ATP7A: variants seen among roughly 807,000 people sequenced by gnomAD.
ATP7A encodes copper-transporting ATPase 1.
A neutral mutation model predicts 83.5 loss-of-function variants in ATP7A; 7 were observed. That is an observed-to-expected ratio of 0.08 (90% CI 0.05 to 0.16). The LOEUF is 0.16. Ranked by LOEUF, ATP7A falls within the 10% of genes least tolerant of loss-of-function variation. The probability of loss-of-function intolerance (pLI) is 1.00; values close to 1 mark genes in which losing one functional copy is unlikely to be tolerated. For synonymous variants in ATP7A, 354 were observed against 395.2 expected, an observed-to-expected ratio of 0.90 and a Z score of 1.24; for missense variants, 940 against 1,120.8, an observed-to-expected ratio of 0.84 and a Z score of 2.30.
intron 1 of ATP7A, among the ~76,000 whole-genome samples, chrX:77,960,643 C>T (rs1557227958): frequency 9.0e-6 from 1 of 111,544 alleles, no homozygotes; most frequent in African/African-American, 3.3e-5. Context: ...ATCATCTAGT[C>T]ATAATATTGT....
chrX:77,947,219 A>T (rs782397457), intron 1 of ATP7A, among the ~76,000 whole-genome samples: 1 of 111,369 alleles, frequency 9.0e-6, no homozygotes, highest in African/African-American at 3.3e-5. Flanking sequence ...AGTTAAAATC[A>T]TAGAGATATA....
At chrX:78,032,886 T>C (rs983070895) in intron 16 of ATP7A, among the ~76,000 whole-genome samples, 64 of 111,611 alleles carry the variant, frequency 5.7e-4, no homozygotes, top group Non-Finnish European at 1.1e-3. Flanking sequence ...CCAGAACTTT[T>C]CGGCTTGCTA....
chrX:77,995,064 C>G (rs1310433127), intron 4 of ATP7A, among the ~76,000 whole-genome samples: 1 of 111,356 alleles, frequency 9.0e-6, no homozygotes, highest in Admixed American at 9.6e-5. Flanking sequence ...CCCATATTAT[C>G]GGGACATGAA....
intron 4 of ATP7A, among the ~76,000 whole-genome samples, chrX:77,994,643 G>C (rs781880867): frequency 1.2e-4 from 13 of 110,278 alleles, no homozygotes; most frequent in African/African-American, 4.0e-4. Flanking sequence ...GGGCTTAAGC[G>C]ATCTTCCCAC....
At chrX:77,990,709 T>C (rs1456919767) in intron 4 of ATP7A, among the ~76,000 whole-genome samples, 1 of 112,399 alleles carries the variant, frequency 8.9e-6, no homozygotes, top group Non-Finnish European at 1.9e-5. Context: ...AATTTAATTA[T>C]GTGAAATTGT....
At chrX:77,911,950 GAAGA>G (rs2077163075) in intron 1 of ATP7A, among the ~76,000 whole-genome samples, 1 of 111,899 alleles carries the variant, frequency 8.9e-6, no homozygotes, top group African/African-American at 3.2e-5. Flanking sequence ...CTCCAAAAAA[GAAGA>G]AAGAAAAATA....
intron 6 of ATP7A, among the ~76,000 whole-genome samples, chrX:78,005,683 C>CAAAAAAAA (rs1218646073): frequency 7.3e-4 from 10 of 13,678 alleles, no homozygotes; most frequent in African/African-American, 8.9e-4. Flanking sequence ...AACTCCATCT[C>CAAAAAAAA]AAAAAAAAAA....
At chrX:77,946,292 T>G (rs1477309325) in intron 1 of ATP7A, among the ~76,000 whole-genome samples, 3 of 103,327 alleles carry the variant, frequency 2.9e-5, no homozygotes, top group Non-Finnish European at 4.0e-5. Flanking sequence ...AGGGCGAGAC[T>G]CTGTCTCAAA....
intron 1 of ATP7A, among the ~76,000 whole-genome samples, chrX:77,932,591 C>G (rs1446529297): frequency 8.9e-6 from 1 of 112,508 alleles, no homozygotes; most frequent in Non-Finnish European, 1.9e-5. Context: ...CGCGATCACG[C>G]CACTGCACTC....
At chrX:78,039,495 G>A (rs967149473) in intron 18 of ATP7A, among the ~76,000 whole-genome samples, 19 of 110,722 alleles carry the variant, frequency 1.7e-4, no homozygotes, top group African/African-American at 5.6e-4. Context: ...ACCATGCCCG[G>A]CTAATTGTTT....
intron 1 of ATP7A, among the ~76,000 whole-genome samples, chrX:77,970,678 C>G (rs1263982418): frequency 1.8e-5 from 2 of 110,967 alleles, no homozygotes; most frequent in Admixed American, 9.6e-5. Context: ...AAAACAAAAA[C>G]AAAAACAAAA....
chrX:78,039,973 A>G (rs1461967203), intron 18 of ATP7A, among the ~76,000 whole-genome samples: 2 of 111,283 alleles, frequency 1.8e-5, no homozygotes, highest in African/African-American at 6.5e-5. Context: ...TTGAGGTTGT[A>G]TGTGCTTTAT....
At chrX:77,926,622 C>T (rs781832929) in intron 1 of ATP7A, among the ~76,000 whole-genome samples, 7 of 112,083 alleles carry the variant, frequency 6.2e-5, no homozygotes, top group Non-Finnish European at 1.1e-4. Context: ...TGAGCCACCA[C>T]GCCCAGCCCC....
chrX:78,029,147 T>C (rs1557236669), intron 14 of ATP7A, 103 bp from the exon 15 acceptor site: 45 of 887,958 alleles, frequency 5.1e-5, no homozygotes, highest in Non-Finnish European at 4.9e-6. Context: ...GTAGGATATG[T>C]CACTTTTTAA....
At chrX:77,994,832 ATG>A (rs1245776946) in intron 4 of ATP7A, among the ~76,000 whole-genome samples, 3 of 111,673 alleles carry the variant, frequency 2.7e-5, no homozygotes, top group Non-Finnish European at 5.6e-5. Flanking sequence ...TTGAGCCACC[ATG>A]CCTGGCCTCA....
chrX:77,929,636 CTTTT>C (rs782018510), intron 1 of ATP7A, among the ~76,000 whole-genome samples: 2 of 96,442 alleles, frequency 2.1e-5, no homozygotes, highest in African/African-American at 7.5e-5. Context: ...TTTTCTTTTT[CTTTT>C]TTTTTTTTTT....
chrX:77,971,746 T>C lies in ATP7A; in HGVS notation c.105T>C (p.Gly35=). The C allele has an allele frequency of 8.3e-7, 1 of 1,211,408 alleles. No homozygotes were observed. Among genetic ancestry groups the C allele is most frequent in the Non-Finnish European group, 1.1e-6 (1 of 895,222 alleles). The change falls in exon 2 of 23, where the codon GGT becomes GGC. Residue 35 remains glycine (G), a synonymous_variant. Transcript: ENST00000341514. Reference sequence around the variant, plus strand: ...AGCAGCAGATTGGAAAAGTGAATGGTGTGCATCACATTAAGGTAAGTTACT... The same window carrying C: ...AGCAGCAGATTGGAAAAGTGAATGGCGTGCATCACATTAAGGTAAGTTACT... ...TIEQQIGKVN[G]VHHIKVSLEE...
intron 12 of ATP7A, among the ~76,000 whole-genome samples, chrX:78,018,463 C>A (rs2077883189): frequency 9.0e-6 from 1 of 111,296 alleles, no homozygotes; most frequent in Non-Finnish European, 1.9e-5. Context: ...GAGATTGCAC[C>A]ATTGCACTCC....
chrX:77,966,998 C>T (rs2077511160), intron 1 of ATP7A, among the ~76,000 whole-genome samples: 2 of 111,098 alleles, frequency 1.8e-5, no homozygotes, highest in African/African-American at 6.6e-5. Flanking sequence ...CAAGAACATG[C>T]AGCATTTGGT....
Sources: allele counts gnomAD v4.1 joint callset (sites outside exome capture counted in the v4.1 genomes callset), GRCh38; gene constraint gnomAD v4.1.1; transcripts MANE v1.5; gene names NCBI Gene and HGNC (gene_info 2026-07-23, HGNC 2026-07-21).